Variants in CTNNA3 observed in about 807,000 individuals in gnomAD.
The protein encoded by CTNNA3 is catenin alpha-3.
CTNNA3 carries 76 observed loss-of-function variants against 95.7 expected under a neutral mutation model. The observed-to-expected ratio is 0.79, with a 90% confidence interval of 0.66 to 0.96. CTNNA3 has a LOEUF of 0.96. Among genes scored for constraint, CTNNA3 ranks in the 40% least tolerant of loss-of-function variants. The probability of loss-of-function intolerance (pLI) is 0.00; values close to 1 mark genes in which losing one functional copy is unlikely to be tolerated. For synonymous variants in CTNNA3, 431 were observed against 374.4 expected, an observed-to-expected ratio of 1.15 and a Z score of -1.74; for missense variants, 1,191 against 1,089.8, an observed-to-expected ratio of 1.09 and a Z score of -1.31.
intron 1 of CTNNA3, chr10:67,750,758 T>A: frequency 1.3e-6 from 2 of 1,599,264 alleles, no homozygotes; most frequent in Non-Finnish European, 8.6e-7. Flanking sequence ...GCCCTTGGGG[T>A]CTCCAATTTC....
At chr10:66,024,281 G>T (rs2079291741) in intron 15 of CTNNA3, among the ~76,000 whole-genome samples, 1 of 151,768 alleles carries the variant, frequency 6.6e-6, no homozygotes. Context: ...AGTAGAGACG[G>T]GGTTTCACCG....
At chr10:66,364,155 T>C (rs1161216075) in intron 12 of CTNNA3, among the ~76,000 whole-genome samples, 4 of 151,016 alleles carry the variant, frequency 2.6e-5, no homozygotes, top group African/African-American at 9.7e-5. Context: ...CCTGACAAAT[T>C]GTTCTTGTTA....
chr10:67,068,566 A>G (rs542243834), intron 7 of CTNNA3, among the ~76,000 whole-genome samples: 1 of 152,334 alleles, frequency 6.6e-6, no homozygotes, highest in African/African-American at 2.4e-5. Context: ...GCAGGTCAAG[A>G]ACAGAACTTT....
chr10:67,167,920 G>C (rs920723735), intron 7 of CTNNA3, among the ~76,000 whole-genome samples: 2 of 152,164 alleles, frequency 1.3e-5, no homozygotes, highest in African/African-American at 4.8e-5. Context: ...ATCACCTGAG[G>C]TCAGGAGTTC....
rs756072912 is a variant in CTNNA3 at position 66,775,440 on chromosome 10, TC to T, written c.1128+3del. 16 of 1,600,958 alleles carry T rather than the reference TC, an allele frequency of 1.0e-5. No homozygotes were observed. The highest frequency in any genetic ancestry group is 1.7e-6 in the Non-Finnish European group (2 of 1,169,944). On this transcript the variant is annotated splice_donor_region_variant and intron_variant, in intron 8 of 17. Transcript: ENST00000433211. The stretch of plus-strand genomic sequence containing the variant: ...TCTGACTCCATATCTCTCTCTTCCC[TC>T]ACCTGTCTGCGAAGGTCTCTTGTCT...
chr10:67,724,252 A>G (rs1047297045), intron 1 of CTNNA3, among the ~76,000 whole-genome samples: 7 of 152,142 alleles, frequency 4.6e-5, no homozygotes, highest in Admixed American at 2.6e-4. Flanking sequence ...GGGCCTAGAA[A>G]ACAGATCCTT....
At chr10:66,693,372 A>G (rs535028961) in intron 9 of CTNNA3, among the ~76,000 whole-genome samples, 5,427 of 120,266 alleles carry the variant, frequency 0.045, 211 homozygotes, top group East Asian at 0.11. Flanking sequence ...GAAGGCCATT[A>G]CATAATGGTA....
At chr10:66,586,422 G>T (rs750045815) in intron 10 of CTNNA3, among the ~76,000 whole-genome samples, 1 of 152,016 alleles carries the variant, frequency 6.6e-6, no homozygotes, top group Non-Finnish European at 1.5e-5. Context: ...CTCCTTCCAG[G>T]CAAAGCAGGA....
intron 5 of CTNNA3, among the ~76,000 whole-genome samples, chr10:67,477,917 T>A (rs1337031950): frequency 6.6e-6 from 1 of 152,056 alleles, no homozygotes; most frequent in African/African-American, 2.4e-5. Flanking sequence ...AAGACAAAGT[T>A]GAAAATCAAC....
chr10:66,200,590 C>T (rs2087332294), intron 13 of CTNNA3, among the ~76,000 whole-genome samples: 2 of 152,286 alleles, frequency 1.3e-5, no homozygotes, highest in African/African-American at 2.4e-5. Flanking sequence ...AATGACTGGA[C>T]TTCTCTTCAG....
intron 4 of CTNNA3, 80 bp from the exon 5 acceptor site, chr10:67,522,041 G>A (rs992901280): frequency 5.4e-5 from 75 of 1,394,382 alleles, no homozygotes; most frequent in Middle Eastern, 1.9e-4. Context: ...ACGAAGAGTC[G>A]ATAATGAGCC....
chr10:66,109,399 T>C (rs2082032612), intron 13 of CTNNA3, among the ~76,000 whole-genome samples: 1 of 152,178 alleles, frequency 6.6e-6, no homozygotes, highest in Non-Finnish European at 1.5e-5. Flanking sequence ...TTGTAAGAAG[T>C]TTAGCACCAA....
chr10:67,671,339 G>A (rs772141675), intron 1 of CTNNA3, among the ~76,000 whole-genome samples: 1 of 151,802 alleles, frequency 6.6e-6, no homozygotes, highest in Non-Finnish European at 1.5e-5. Context: ...GATGACATCC[G>A]TTATTAACTT....
intron 11 of CTNNA3, among the ~76,000 whole-genome samples, chr10:66,496,671 A>C (rs889931586): frequency 1.3e-5 from 2 of 152,184 alleles, no homozygotes; most frequent in African/African-American, 2.4e-5. Flanking sequence ...CTCCTACTTC[A>C]CTGAAACAAA....
intron 7 of CTNNA3, among the ~76,000 whole-genome samples, chr10:67,070,458 A>T (rs927964547): frequency 3.3e-5 from 5 of 152,184 alleles, no homozygotes; most frequent in African/African-American, 1.2e-4. Flanking sequence ...CCGATTAAGA[A>T]ATCCTTGTGG....
chr10:66,105,084 A>G (rs2081833555), intron 13 of CTNNA3, among the ~76,000 whole-genome samples: 2 of 152,110 alleles, frequency 1.3e-5, no homozygotes, highest in Non-Finnish European at 2.9e-5. Context: ...ATTTCAACCA[A>G]TTCCTATCAG....
chr10:66,082,534 T>C (rs1043342022), intron 14 of CTNNA3, among the ~76,000 whole-genome samples: 1 of 151,966 alleles, frequency 6.6e-6, no homozygotes, highest in African/African-American at 2.4e-5. Flanking sequence ...AAAAAGAATA[T>C]AGGTGGAAAA....
chr10:66,064,545 T>G (rs2080274654), intron 15 of CTNNA3, among the ~76,000 whole-genome samples: 1 of 152,162 alleles, frequency 6.6e-6, no homozygotes, highest in African/African-American at 2.4e-5. Flanking sequence ...GGCCTTTATT[T>G]AAATAAGACC....
chr10:67,438,131 C>G (rs1050808241), intron 5 of CTNNA3, among the ~76,000 whole-genome samples: 2 of 152,124 alleles, frequency 1.3e-5, no homozygotes, highest in African/African-American at 4.8e-5. Flanking sequence ...ACTACCGACT[C>G]ACAGCCAAGT....
Sources: allele counts gnomAD v4.1 joint callset (sites outside exome capture counted in the v4.1 genomes callset), GRCh38; gene constraint gnomAD v4.1.1; transcripts MANE v1.5; gene names NCBI Gene and HGNC (gene_info 2026-07-23, HGNC 2026-07-21).